IL3RA: variants seen among roughly 807,000 people sequenced by gnomAD.
The protein encoded by IL3RA is interleukin 3 receptor subunit alpha, also known as interleukin-3 receptor subunit alpha.
IL3RA carries 73 observed loss-of-function variants against 52.3 expected under a neutral mutation model. The observed-to-expected ratio is 1.40, with a 90% confidence interval of 1.16 to 1.70. The LOEUF (loss-of-function observed/expected upper bound fraction) is 1.70. Ranked by LOEUF, IL3RA falls within the 40% of genes most tolerant of loss-of-function variation. IL3RA has a pLI of 0.00. For missense variants in IL3RA, 664 were observed against 504.4 expected (o/e 1.32, Z -3.03); for synonymous variants, 260 against 194.0 (o/e 1.34, Z -2.83).
Position 1,362,232 on chromosome X carries a change from C to G in IL3RA, c.760-2906C>G, listed in dbSNP as rs1483001097. ...TCTCTCTCTCTGTCCATCACCCACT[C>G]TGTCTGTCTTTGTCTATGTCTCTCT... On this transcript the variant is annotated intron_variant, in intron 8 of 11. Transcript: ENST00000331035. 3.3e-5 allele frequency among the ~76,000 whole-genome samples: 5 copies of G among 151,480 alleles called. 1 individual carries two copies. The highest frequency in any genetic ancestry group is 7.4e-5 in the Non-Finnish European group (5 of 67,864).
At chrX:1,344,771 C>G (rs1164598584) in intron 2 of IL3RA, among the ~76,000 whole-genome samples, 2 of 150,424 alleles carry the variant, frequency 1.3e-5, no homozygotes, top group Non-Finnish European at 3.0e-5. Flanking sequence ...AAAACTCCGT[C>G]TCAAAAAAAT....
chrX:1,337,622 G>A (rs2085358999), intron 1 of IL3RA, among the ~76,000 whole-genome samples: 1 of 150,644 alleles, frequency 6.6e-6, no homozygotes, highest in African/African-American at 2.4e-5. Context: ...GGTGGAGACA[G>A]CCCTCATACC....
rs750056712 is a variant in IL3RA, at chrX:1,356,257, ATAAGACAC to A, written c.654_661del (p.Asn218LysfsTer19). ...CCACCCAACATGACTGCAAAGTGTA[ATAAGACAC>A]ATTCCTTTATGCACTGGAAAATGAG... On this transcript the variant is annotated frameshift_variant, in exon 7 of 12. Coordinates refer to ENST00000331035, the MANE Select transcript of IL3RA (RefSeq NM_002183.4). LOFTEE classifies it high-confidence loss of function. 1 of 1,613,638 alleles carries A rather than the reference ATAAGACAC, an allele frequency of 6.2e-7. No individual in the cohort carries two copies. The highest frequency in any genetic ancestry group is 1.1e-5 in the South Asian group (1 of 91,068).
chrX:1,378,522 T>A (rs1473087732), intron 9 of IL3RA, 137 bp from the exon 10 acceptor site: 20 of 711,458 alleles, frequency 2.8e-5, no homozygotes, highest in Non-Finnish European at 3.9e-5. Context: ...CAGGTGGCAC[T>A]ACTGGGGTGT....
At chrX:1,377,432 G>T (rs1233828001) in intron 9 of IL3RA, among the ~76,000 whole-genome samples, 1 of 151,920 alleles carries the variant, frequency 6.6e-6, no homozygotes, top group Non-Finnish European at 1.5e-5. Context: ...TTAGAGACGG[G>T]CTTTCTGGCC....
intron 4 of IL3RA, among the ~76,000 whole-genome samples, chrX:1,350,769 C>G (rs1402448565): frequency 6.7e-6 from 1 of 149,672 alleles, no homozygotes; most frequent in Non-Finnish European, 1.5e-5. Flanking sequence ...GGTGGTGGCA[C>G]ATGCCTGCAG....
At chrX:1,354,292 A>G in intron 6 of IL3RA, among the ~76,000 whole-genome samples, 1 of 152,142 alleles carries the variant, frequency 6.6e-6, no homozygotes, top group South Asian at 2.1e-4. Context: ...GGAATTTGGG[A>G]CAGAAGGACA....
chrX:1,358,634 G>C lies in IL3RA; in HGVS notation c.733-227G>C, dbSNP rs1301799366. ...AGATCACGCCACTGCATTCCAGCCT[G>C]GGTGACGGAGTGAGACTCCGTCTCA... On this transcript the variant is annotated intron_variant, in intron 7 of 11. Transcript: ENST00000331035. 1.2e-4 allele frequency among the ~76,000 whole-genome samples: 18 copies of C among 152,300 alleles called. No homozygotes were observed. The East Asian group carries it at 1.7e-3, about 15-fold the overall frequency.
intron 4 of IL3RA, 35 bp from the exon 5 acceptor site, chrX:1,352,065 C>T (rs754990029): frequency 1.9e-6 from 3 of 1,609,580 alleles, no homozygotes; most frequent in East Asian, 4.5e-5. Context: ...GCGCCCGGTC[C>T]CGATTCGAGT....
chrX:1,344,146 C>G (rs749168278), intron 2 of IL3RA, among the ~76,000 whole-genome samples: 17 of 152,162 alleles, frequency 1.1e-4, no homozygotes, highest in Admixed American at 5.9e-4. Flanking sequence ...TAGAACTCCA[C>G]TTCCCAGCCA....
In IL3RA at chrX:1,361,182, CCT is replaced by C. The variant is rs1166091610; in HGVS notation, c.759+2307_759+2308del. On this transcript the variant is annotated intron_variant, in intron 8 of 11. Transcript: ENST00000331035. ...CCTTCTCTGTCTCTCTCTCCCTTCC[CCT>C]CTCTCTCTCTCCATTCCCCTGTCTC... 9.6e-4 allele frequency among the ~76,000 whole-genome samples: 88 copies of C among 91,428 alleles called. 9 individuals carry two copies. The highest frequency in any genetic ancestry group is 3.0e-3 in the African/African-American group (61 of 20,092). 60.0% of individuals were successfully genotyped at this position (91,428 alleles called of 152,430 possible). A position where few individuals can be genotyped will look rare whatever the true frequency, so the allele number is the denominator to read the frequency against.
chrX:1,357,750 A>C (rs1238667281), intron 7 of IL3RA, among the ~76,000 whole-genome samples: 3 of 150,926 alleles, frequency 2.0e-5, no homozygotes, highest in African/African-American at 7.3e-5. Flanking sequence ...TAGGTCTATT[A>C]ATTTCTTTTA....
intron 9 of IL3RA, among the ~76,000 whole-genome samples, chrX:1,367,954 A>C (rs1474365353): frequency 6.6e-6 from 1 of 151,934 alleles, no homozygotes; most frequent in Non-Finnish European, 1.5e-5. Flanking sequence ...GCTCTTACTC[A>C]CGAGAGGAGA....
At chrX:1,367,635 CGCCGGGTGA>C (rs2088222669) in intron 9 of IL3RA, among the ~76,000 whole-genome samples, 2 of 89,504 alleles carry the variant, frequency 2.2e-5, no homozygotes, top group South Asian at 4.2e-4. Flanking sequence ...GAGCGGGGTG[CGCCGGGTGA>C]GCCGGGTGCG....
intron 1 of IL3RA, among the ~76,000 whole-genome samples, chrX:1,337,567 G>A (rs1459289929): frequency 1.4e-4 from 20 of 144,052 alleles, no homozygotes; most frequent in South Asian, 7.1e-4. Flanking sequence ...GGAATATTAC[G>A]CAGCCATGAA....
chrX:1,346,490 C>T (rs2085748915), intron 3 of IL3RA, among the ~76,000 whole-genome samples: 1 of 151,506 alleles, frequency 6.6e-6, no homozygotes, highest in South Asian at 2.1e-4. Flanking sequence ...GCCTGTAATA[C>T]CAGCTATTCA....
intron 4 of IL3RA, among the ~76,000 whole-genome samples, chrX:1,350,015 A>G (rs1378060983): frequency 2.0e-5 from 3 of 152,156 alleles, no homozygotes; most frequent in Non-Finnish European, 4.4e-5. Context: ...GAAAAAAAAG[A>G]CCACTCCAGA....
chrX:1,347,811 G>C (rs1293769444), intron 3 of IL3RA, among the ~76,000 whole-genome samples: 3 of 151,664 alleles, frequency 2.0e-5, no homozygotes, highest in Non-Finnish European at 2.9e-5. Context: ...GGCCGAGGAG[G>C]GTGGATCACG....
chrX:1,350,702 C>A (rs1603443749), intron 4 of IL3RA, among the ~76,000 whole-genome samples: 3 of 149,646 alleles, frequency 2.0e-5, no homozygotes, highest in Middle Eastern at 7.4e-3. Flanking sequence ...GAGATCGAGA[C>A]CATCCCGGCT....
Sources: allele counts gnomAD v4.1 joint callset (sites outside exome capture counted in the v4.1 genomes callset), GRCh38; gene constraint gnomAD v4.1.1; transcripts MANE v1.5; gene names NCBI Gene and HGNC (gene_info 2026-07-23, HGNC 2026-07-21).